The following CPA6 variants were observed in gnomAD, a reference collection of about 807,000 sequenced individuals.
CPA6 encodes carboxypeptidase B.
CPA6 carries 58 observed loss-of-function variants against 63.3 expected under a neutral mutation model. The observed-to-expected ratio is 0.92, with a 90% CI of 0.74 to 1.14. The LOEUF (loss-of-function observed/expected upper bound fraction) is 1.14, where lower values mean the gene tolerates loss of function less well. CPA6 is among the 50% of genes most tolerant of loss of function. The pLI, the probability that CPA6 is intolerant of heterozygous loss-of-function variation, is 0.00. For missense variants in CPA6, 565 were observed against 526.6 expected (o/e 1.07, Z -0.71); for synonymous variants, 185 against 179.0 (o/e 1.03, Z -0.27).
chr8:67,731,100 A>T (rs1817696970), intron 1 of CPA6, among the ~76,000 whole-genome samples: 1 of 152,190 alleles, frequency 6.6e-6, no homozygotes, highest in Non-Finnish European at 1.5e-5. Context: ...ATTGGCGATA[A>T]TTCTACTTTA....
chr8:67,430,593 G>A (rs1042648294), intron 9 of CPA6, among the ~76,000 whole-genome samples: 1 of 151,914 alleles, frequency 6.6e-6, no homozygotes, highest in Admixed American at 6.6e-5. Flanking sequence ...TAACATTCAG[G>A]GATTGTCTAG....
At chr8:67,563,172 T>C (rs1813255863) in intron 2 of CPA6, among the ~76,000 whole-genome samples, 1 of 151,946 alleles carries the variant, frequency 6.6e-6, no homozygotes, top group African/African-American at 2.4e-5. Flanking sequence ...ATGCTTTACT[T>C]ATTTAATTAA....
chr8:67,654,417 CA>C (rs1242125285), intron 1 of CPA6, among the ~76,000 whole-genome samples: 3 of 152,154 alleles, frequency 2.0e-5, no homozygotes, highest in Admixed American at 6.5e-5. Flanking sequence ...GCCACAATTT[CA>C]GAGCCTGTTA....
chr8:67,643,579 A>T (rs1815643782), intron 1 of CPA6, among the ~76,000 whole-genome samples: 1 of 152,156 alleles, frequency 6.6e-6, no homozygotes, highest in South Asian at 2.1e-4. Context: ...CAATAAAAAC[A>T]AGGCTACCGG....
At chr8:67,707,515 C>T (rs1033125020) in intron 1 of CPA6, among the ~76,000 whole-genome samples, 2 of 152,156 alleles carry the variant, frequency 1.3e-5, no homozygotes, top group African/African-American at 4.8e-5. Flanking sequence ...TAGTTATTTG[C>T]ATAAGTGCAA....
chr8:67,661,463 A>G (rs1319491287), intron 1 of CPA6, among the ~76,000 whole-genome samples: 10 of 152,222 alleles, frequency 6.6e-5, no homozygotes, highest in African/African-American at 2.4e-4. Flanking sequence ...CAGGAAGGCT[A>G]GCCTTCTCAG....
intron 2 of CPA6, among the ~76,000 whole-genome samples, chr8:67,555,541 CT>C (rs1813041113): frequency 1.3e-5 from 2 of 152,168 alleles, no homozygotes; most frequent in South Asian, 4.1e-4. Context: ...TTAAATTAAA[CT>C]GGTAATTGTA....
intron 2 of CPA6, among the ~76,000 whole-genome samples, chr8:67,568,488 G>A (rs1432696914): frequency 1.3e-5 from 2 of 152,080 alleles, no homozygotes; most frequent in African/African-American, 4.8e-5. Context: ...GAAACAAATA[G>A]AAATTCTAGA....
At chr8:67,501,067 T>C (rs1811821427) in intron 6 of CPA6, among the ~76,000 whole-genome samples, 1 of 152,134 alleles carries the variant, frequency 6.6e-6, no homozygotes, top group South Asian at 2.1e-4. Flanking sequence ...CCATTCCATA[T>C]ACTTTTAAGA....
At chr8:67,667,100 A>G (rs534040415) in intron 1 of CPA6, among the ~76,000 whole-genome samples, 3 of 149,930 alleles carry the variant, frequency 2.0e-5, no homozygotes, top group Admixed American at 1.3e-4. Flanking sequence ...AAAACCTATC[A>G]TCTGGCATCT....
At chr8:67,681,812 A>C (rs1816604491) in intron 1 of CPA6, among the ~76,000 whole-genome samples, 1 of 152,098 alleles carries the variant, frequency 6.6e-6, no homozygotes, top group African/African-American at 2.4e-5. Context: ...CTTTATAAAC[A>C]GTCTCAAAAT....
intron 4 of CPA6, 95 bp from the exon 5 acceptor site, chr8:67,509,713 G>A (rs575971251): frequency 3.2e-5 from 19 of 588,104 alleles, no homozygotes; most frequent in African/African-American, 3.1e-4. Flanking sequence ...GTAGTTCTCC[G>A]AATTCAAGGA....
chr8:67,423,332 G>A (rs532558806), intron 10 of CPA6, among the ~76,000 whole-genome samples: 4 of 152,268 alleles, frequency 2.6e-5, no homozygotes, highest in South Asian at 4.1e-4. Flanking sequence ...TGATCCTCCC[G>A]CCTTGGCCTC....
At chr8:67,633,574 G>T (rs1242734614) in intron 1 of CPA6, among the ~76,000 whole-genome samples, 2 of 151,872 alleles carry the variant, frequency 1.3e-5, no homozygotes, top group Admixed American at 6.6e-5. Flanking sequence ...CCAGCTACTC[G>T]GGAGGCTGAG....
chr8:67,621,893 C>T lies in CPA6; in HGVS notation c.192+2283G>A, dbSNP rs115707603. The stretch of plus-strand genomic sequence containing the variant: ...GAAAACAATCTGCAGGAATGATTTT[C>T]TTTAAATGCTTACCAAAAAGGGCCC... On this transcript the variant is annotated intron_variant, in intron 2 of 10. Transcript: ENST00000297770. Among the ~76,000 whole-genome samples the T allele has an allele frequency of 3.7e-3, 569 of 152,250 alleles. 3 individuals carry two copies. Among genetic ancestry groups the T allele is most frequent in the African/African-American group, 0.013 (526 of 41,532 alleles).
chr8:67,523,735 C>G (rs1325720080), intron 2 of CPA6, among the ~76,000 whole-genome samples: 1 of 152,056 alleles, frequency 6.6e-6, no homozygotes, highest in Non-Finnish European at 1.5e-5. Context: ...ATCTTTTAGC[C>G]CAGGGCTAAT....
chr8:67,439,337 C>T (rs996870708), intron 8 of CPA6, among the ~76,000 whole-genome samples: 8 of 151,872 alleles, frequency 5.3e-5, no homozygotes, highest in African/African-American at 1.7e-4. Context: ...CCTGTAATCC[C>T]AGCACTTTGG....
intron 8 of CPA6, among the ~76,000 whole-genome samples, chr8:67,436,572 C>A (rs1810161639): frequency 6.6e-6 from 1 of 152,050 alleles, no homozygotes; most frequent in Non-Finnish European, 1.5e-5. Flanking sequence ...ACAGCGCTAT[C>A]CAAACTAGTT....
intron 8 of CPA6, among the ~76,000 whole-genome samples, chr8:67,479,752 T>C (rs1398961229): frequency 6.6e-6 from 1 of 152,212 alleles, no homozygotes; most frequent in Non-Finnish European, 1.5e-5. Flanking sequence ...AAATTCTCTA[T>C]ATTTTCAGAA....
Sources: gnomAD v4.1 joint callset for allele counts (sites outside exome capture counted in the v4.1 genomes callset) on GRCh38, gnomAD v4.1.1 for gene constraint, MANE v1.5 for transcripts, NCBI Gene and HGNC (gene_info 2026-07-23, HGNC 2026-07-21) for gene names.